BARD1: variants seen among roughly 807,000 people sequenced by gnomAD.
The protein encoded by BARD1 is BRCA1 associated RING domain 1, also known as BRCA1-associated RING domain protein 1.
In BARD1, 73 loss-of-function variants were observed where a neutral mutation model predicts 77.0. That is an observed-to-expected ratio of 0.95 (90% CI 0.79 to 1.15). The LOEUF (loss-of-function observed/expected upper bound fraction) is 1.15, where lower values mean the gene tolerates loss of function less well. BARD1 is among the 50% of genes most tolerant of loss of function. The probability of loss-of-function intolerance (pLI) is 0.00; values close to 1 mark genes in which losing one functional copy is unlikely to be tolerated. For synonymous variants in BARD1, 384 were observed against 338.0 expected, an observed-to-expected ratio of 1.14 and a Z score of -1.49; for missense variants, 993 against 938.8, an observed-to-expected ratio of 1.06 and a Z score of -0.75.
chr2:214,745,971 T>C (rs1693097127), intron 7 of BARD1, 117 bp from the exon 8 acceptor site: 1 of 1,207,516 alleles, frequency 8.3e-7, no homozygotes, highest in Non-Finnish European at 1.2e-6. Flanking sequence ...CTCTAATAAT[T>C]TTCAATTATT....
chr2:214,780,930 G>A lies in BARD1; in HGVS notation c.944C>T (p.Pro315Leu), dbSNP rs148760338. ...GCCACGTTTTCCATTATTTTCTAAT[G>A]GCAAAGATTTCTTAGATGTAAGATA... ...KNYLTSKKSLPLENNGKRGHH... is the reference protein window; with the variant it reads ...KNYLTSKKSLLLENNGKRGHH... The change falls in exon 4 of 11, where the codon CCA becomes CTA. Residue 315 changes from proline (P) to leucine (L), a missense_variant. Pro to Leu is a moderately conservative substitution (Grantham distance 98, BLOSUM62 -3). Coordinates refer to ENST00000260947, the MANE Select transcript of BARD1 (RefSeq NM_000465.4). 9.3e-6 allele frequency: 15 copies of A among 1,613,752 alleles called. No homozygotes were observed. The highest frequency in any genetic ancestry group is 4.0e-5 in the African/African-American group (3 of 74,862).
chr2:214,737,014 C>G (rs1427987595), intron 9 of BARD1, among the ~76,000 whole-genome samples: 1 of 152,094 alleles, frequency 6.6e-6, no homozygotes, highest in Non-Finnish European at 1.5e-5. Flanking sequence ...TCTACAACTA[C>G]ATTTGAAGGG....
Position 214,745,814 on chromosome 2 carries a change from A to G in BARD1, c.1718T>C (p.Ile573Thr), listed in dbSNP as rs587780022. The G allele has an allele frequency of 2.5e-5, 41 of 1,613,920 alleles. No individual in the cohort carries two copies. Among genetic ancestry groups the G allele is most frequent in the Middle Eastern group, 1.6e-4 (1 of 6,082 alleles). Reference sequence around the variant, plus strand: ...TTGTTCTGAAGACAGCCCACTGCCTATAAGTACAAGAGGTCCATCCCTACG... The same window carrying G: ...TTGTTCTGAAGACAGCCCACTGCCTGTAAGTACAAGAGGTCCATCCCTACG... The part of the protein sequence containing the change: ...GQRRDGPLVL[I>T]GSGLSSEQQK... Residue 573 changes from isoleucine to threonine, a missense_variant, in exon 8 of 11, where the codon ATA (isoleucine) becomes ACA (threonine). Coordinates refer to ENST00000260947, the MANE Select transcript of BARD1 (RefSeq NM_000465.4).
At chr2:214,797,685 CA>C (rs1695821402) in intron 1 of BARD1, among the ~76,000 whole-genome samples, 1 of 152,052 alleles carries the variant, frequency 6.6e-6, no homozygotes, top group Non-Finnish European at 1.5e-5. Flanking sequence ...TTAAAAAAAA[CA>C]TGTGTTTCTT....
At chr2:214,746,789 G>A (rs1289167112) in intron 7 of BARD1, among the ~76,000 whole-genome samples, 1 of 152,026 alleles carries the variant, frequency 6.6e-6, no homozygotes, top group Non-Finnish European at 1.5e-5. Context: ...CAGGACATAG[G>A]CATGGGCAAG....
rs567372986 is a variant in BARD1 at position 214,762,657 on chromosome 2, G to C, written c.1568+4825C>G. Among the ~76,000 whole-genome samples the C allele has an allele frequency of 7.9e-5, 12 of 152,112 alleles. No homozygotes were observed. In the South Asian group the frequency reaches 2.5e-3, roughly 32 times the overall value. On this transcript the variant is annotated intron_variant, in intron 6 of 10. Coordinates refer to ENST00000260947, the MANE Select transcript of BARD1 (RefSeq NM_000465.4). Reference sequence around the variant, plus strand: ...TAGCAAACTGATGTATTCATTTAAAGAATAACACACGACATAAAGTTTATC... The same window carrying C: ...TAGCAAACTGATGTATTCATTTAAACAATAACACACGACATAAAGTTTATC...
chr2:214,756,602 G>C (rs1693704704), intron 6 of BARD1, among the ~76,000 whole-genome samples: 1 of 152,154 alleles, frequency 6.6e-6, no homozygotes, highest in African/African-American at 2.4e-5. Flanking sequence ...TCAATGAGTG[G>C]ATAAAGAAAC....
chr2:214,808,275 G>A (rs1291337683), intron 1 of BARD1, among the ~76,000 whole-genome samples: 2 of 152,186 alleles, frequency 1.3e-5, no homozygotes, highest in Non-Finnish European at 1.5e-5. Flanking sequence ...CGGGCATGAT[G>A]GCGGGCGCCT....
intron 6 of BARD1, among the ~76,000 whole-genome samples, chr2:214,753,994 C>T (rs1442505544): frequency 6.6e-6 from 1 of 152,080 alleles, no homozygotes; most frequent in Non-Finnish European, 1.5e-5. Flanking sequence ...AACAAAGTGA[C>T]ACATGTCACA....
intron 6 of BARD1, 70 bp downstream of exon 6, chr2:214,767,412 G>T: frequency 6.8e-7 from 1 of 1,478,500 alleles, no homozygotes; most frequent in Non-Finnish European, 9.4e-7. Flanking sequence ...TTTAAAGTCT[G>T]CTTTATCACA....
chr2:214,803,035 G>A (rs1236021210), intron 1 of BARD1, among the ~76,000 whole-genome samples: 2 of 151,288 alleles, frequency 1.3e-5, no homozygotes, highest in African/African-American at 4.9e-5. Context: ...CCAACCCGGT[G>A]CTCTCTGAAA....
chr2:214,747,619 C>T (rs1693190208), intron 7 of BARD1, among the ~76,000 whole-genome samples: 1 of 147,926 alleles, frequency 6.8e-6, no homozygotes, highest in Non-Finnish European at 1.5e-5. Flanking sequence ...AAAAACCAAA[C>T]ACCGCATGTT....
rs778116528 is a variant in BARD1 at position 214,780,791 on chromosome 2, T to C, written c.1083A>G (p.Glu361=). The C allele has an allele frequency of 1.3e-6, 2 of 1,541,372 alleles. No individual in the cohort carries two copies. The highest frequency in any genetic ancestry group is 1.8e-6 in the Non-Finnish European group (2 of 1,139,902). The part of the protein sequence containing the change: ...TVPSENIPLP[E]CSSPPSCKRK... Reference sequence around the variant, plus strand: ...GTTTGCATGAAGGTGGTGAAGAACATTCAGGCAATGGTATATTTTCTGAGG... The same window carrying C: ...GTTTGCATGAAGGTGGTGAAGAACACTCAGGCAATGGTATATTTTCTGAGG... The change falls in exon 4 of 11, where the codon GAA becomes GAG. Residue 361 remains glutamate (E), a synonymous_variant. Transcript: ENST00000260947.
intron 9 of BARD1, among the ~76,000 whole-genome samples, chr2:214,735,937 T>A (rs753679946): frequency 1.3e-5 from 2 of 152,082 alleles, no homozygotes; most frequent in Non-Finnish European, 2.9e-5. Context: ...ATCATGTCAA[T>A]CTTAATTTGT....
At chr2:214,761,782 A>G (rs1326118151) in intron 6 of BARD1, among the ~76,000 whole-genome samples, 1 of 152,246 alleles carries the variant, frequency 6.6e-6, no homozygotes, top group Admixed American at 6.5e-5. Flanking sequence ...TTTAATATGG[A>G]TATTAGTATT....
intron 3 of BARD1, among the ~76,000 whole-genome samples, chr2:214,790,758 C>T (rs1403117101): frequency 6.6e-6 from 1 of 152,096 alleles, no homozygotes; most frequent in African/African-American, 2.4e-5. Context: ...TCCTAACAGA[C>T]CACACACTCC....
intron 9 of BARD1, among the ~76,000 whole-genome samples, chr2:214,742,340 CAA>C (rs1692876778): frequency 6.6e-6 from 1 of 152,050 alleles, no homozygotes; most frequent in Non-Finnish European, 1.5e-5. Flanking sequence ...AAAAAACAAA[CAA>C]AGAATCAAAC....
chr2:214,751,101 G>C (rs1212973968), intron 7 of BARD1, among the ~76,000 whole-genome samples: 76 of 57,668 alleles, frequency 1.3e-3, no homozygotes, highest in African/African-American at 5.4e-3. Flanking sequence ...GTGTGTGTGT[G>C]TGTGTGTGTG....
intron 6 of BARD1, among the ~76,000 whole-genome samples, chr2:214,766,619 C>CT (rs35064339): frequency 1.3e-5 from 2 of 151,758 alleles, no homozygotes; most frequent in African/African-American, 2.4e-5. Context: ...TTCCTCAACC[C>CT]GTGATGTCAA....
Sources: allele counts gnomAD v4.1 joint callset (sites outside exome capture counted in the v4.1 genomes callset), GRCh38; gene constraint gnomAD v4.1.1; transcripts MANE v1.5; gene names NCBI Gene and HGNC (gene_info 2026-07-23, HGNC 2026-07-21).